PRKG1: variants seen among roughly 807,000 people sequenced by gnomAD.
PRKG1 encodes protein kinase cGMP-dependent 1, also known as cGMP-dependent protein kinase 1.
Under a neutral mutation model 88.1 loss-of-function variants are expected in PRKG1, and 35 were observed. The ratio of observed to expected loss-of-function variants is 0.40; its 90% CI spans 0.30 to 0.53. PRKG1 has a LOEUF of 0.53. Among genes scored for constraint, PRKG1 ranks in the 20% least tolerant of loss-of-function variants. The pLI, the probability that PRKG1 is intolerant of heterozygous loss-of-function variation, is 0.59. For missense variants in PRKG1, 540 were observed against 839.8 expected (o/e 0.64, Z 4.41); for synonymous variants, 303 against 292.5 (o/e 1.04, Z -0.37).
At chr10:52,177,285 T>G (rs1838892147) in intron 9 of PRKG1, among the ~76,000 whole-genome samples, 1 of 152,174 alleles carries the variant, frequency 6.6e-6, no homozygotes, top group Admixed American at 6.6e-5. Context: ...TATCCTTCAT[T>G]CTGTTGATGG....
At chr10:52,005,404 T>C (rs1004438395) in intron 5 of PRKG1, among the ~76,000 whole-genome samples, 1 of 152,102 alleles carries the variant, frequency 6.6e-6, no homozygotes, top group African/African-American at 2.4e-5. Flanking sequence ...CCAGTGCCCA[T>C]GTTTTTAAAA....
chr10:51,521,659 AT>A, intron 3 of PRKG1, among the ~76,000 whole-genome samples: 1 of 152,272 alleles, frequency 6.6e-6, no homozygotes, highest in Non-Finnish European at 1.5e-5. Context: ...TTTGCCTTTA[AT>A]TTTTTTCCAT....
In PRKG1 at chr10:51,075,028, A is replaced by G. The variant is rs955358737; in HGVS notation, c.311+127A>G. 7 of 1,326,314 alleles carry G rather than the reference A, an allele frequency of 5.3e-6. No homozygotes were observed. In the African/African-American group the frequency reaches 7.5e-5, roughly 14 times the overall value. The allele number at this position is 1,326,314 out of a possible 1,614,324, so 82.2% of individuals were successfully genotyped here. On this transcript the variant is annotated intron_variant, in intron 1 of 17. Transcript: ENST00000373980. ...CTGTCCTCATCCTCAGAAATGTTTCATTTTAACGGGCACTTCTTGCGGGGC... is the reference window on the plus strand; with the variant it reads ...CTGTCCTCATCCTCAGAAATGTTTCGTTTTAACGGGCACTTCTTGCGGGGC...
intron 1 of PRKG1, among the ~76,000 whole-genome samples, chr10:51,039,559 C>A (rs1304051497): frequency 6.6e-6 from 1 of 151,916 alleles, no homozygotes; most frequent in African/African-American, 2.4e-5. Context: ...TTGATTGTTT[C>A]CTTTGCTGTG....
chr10:51,638,439 A>G (rs1205562064), intron 3 of PRKG1, among the ~76,000 whole-genome samples: 1 of 152,216 alleles, frequency 6.6e-6, no homozygotes, highest in Non-Finnish European at 1.5e-5. Context: ...TCACAAGGAA[A>G]GATATATTAT....
At chr10:51,648,302 C>G (rs933943299) in intron 3 of PRKG1, among the ~76,000 whole-genome samples, 1 of 152,066 alleles carries the variant, frequency 6.6e-6, no homozygotes, top group Admixed American at 6.6e-5. Context: ...AAGTAAACTT[C>G]AAAGAAAATC....
intron 3 of PRKG1, among the ~76,000 whole-genome samples, chr10:51,608,604 A>C (rs981887535): frequency 6.6e-6 from 1 of 152,306 alleles, no homozygotes; most frequent in Admixed American, 6.5e-5. Flanking sequence ...CAGAAATCCT[A>C]TCTATAGGAA....
intron 9 of PRKG1, among the ~76,000 whole-genome samples, chr10:52,228,686 T>G (rs1277499696): frequency 6.6e-6 from 1 of 152,198 alleles, no homozygotes; most frequent in African/African-American, 2.4e-5. Context: ...CCTGTAATAA[T>G]AATAACAATA....
intron 8 of PRKG1, among the ~76,000 whole-genome samples, chr10:52,148,297 C>T (rs1162391067): frequency 6.6e-6 from 1 of 152,116 alleles, no homozygotes; most frequent in Non-Finnish European, 1.5e-5. Context: ...AACCATCCTA[C>T]AATGCACAGG....
intron 2 of PRKG1, among the ~76,000 whole-genome samples, chr10:51,157,588 G>A (rs1846245509): frequency 6.6e-6 from 1 of 151,640 alleles, no homozygotes; most frequent in African/African-American, 2.4e-5. Flanking sequence ...TGCATTATTT[G>A]GGGTGAATTT....
chr10:51,733,022 GGA>G (rs376863075), intron 3 of PRKG1, among the ~76,000 whole-genome samples: 146 of 150,432 alleles, frequency 9.7e-4, no homozygotes, highest in Non-Finnish European at 1.8e-3. Context: ...AAATGGTAGA[GGA>G]GAGAGAGAGA....
At chr10:51,396,411 G>C (rs956286294) in intron 2 of PRKG1, among the ~76,000 whole-genome samples, 2 of 151,854 alleles carry the variant, frequency 1.3e-5, no homozygotes, top group Admixed American at 6.6e-5. Flanking sequence ...AAAAAAGAGA[G>C]AGAAAGGGAT....
chr10:51,677,768 G>A (rs1840747636), intron 3 of PRKG1, among the ~76,000 whole-genome samples: 1 of 152,150 alleles, frequency 6.6e-6, no homozygotes, highest in African/African-American at 2.4e-5. Flanking sequence ...AGGTTTTGGG[G>A]ACAGTTTGGA....
chr10:51,408,379 T>C lies in PRKG1; in HGVS notation c.479-59344T>C, dbSNP rs373768261. On this transcript the variant is annotated intron_variant, in intron 2 of 17. Coordinates refer to ENST00000373980, the MANE Select transcript of PRKG1 (RefSeq NM_006258.4). ...CACACTTCTTTAGCCGTAAAGTGAGTGCCTTGGTTAGAGGCAATGCTGTAT... is the reference window on the plus strand; with the variant it reads ...CACACTTCTTTAGCCGTAAAGTGAGCGCCTTGGTTAGAGGCAATGCTGTAT... Among the ~76,000 whole-genome samples, 11 of 152,268 alleles carry C rather than the reference T, an allele frequency of 7.2e-5. No individual in the cohort carries two copies. In the South Asian group the frequency reaches 1.2e-3, roughly 17 times the overall value.
At chr10:51,883,284 G>A (rs1564691409) in intron 4 of PRKG1, among the ~76,000 whole-genome samples, 1 of 152,142 alleles carries the variant, frequency 6.6e-6, no homozygotes. Flanking sequence ...CTTGCAGATG[G>A]CAGATTGTGG....
rs1209179609 is a variant in PRKG1, at chr10:52,257,678, CTCT to C, written c.1173+6017_1173+6019del. Among the ~76,000 whole-genome samples, 3 of 139,754 alleles carry C rather than the reference CTCT, an allele frequency of 2.1e-5. 1 individual carries two copies. Among genetic ancestry groups the C allele is most frequent in the Admixed American group, 1.5e-4 (2 of 13,356 alleles). 91.7% of individuals were successfully genotyped at this position (139,754 alleles called of 152,430 possible). Reference sequence around the variant, plus strand: ...AAAGTTTGCTTCATTTTAACACAGCCTCTTCTTTAGTAGTACTCTGTGGTTTAT... The same window carrying C: ...AAAGTTTGCTTCATTTTAACACAGCCTCTTTAGTAGTACTCTGTGGTTTAT... On this transcript the variant is annotated intron_variant, in intron 10 of 17. Coordinates refer to ENST00000373980, the MANE Select transcript of PRKG1 (RefSeq NM_006258.4).
rs1451294017 is a variant in PRKG1, at chr10:51,126,361, A to G, written c.312-26803A>G. On this transcript the variant is annotated intron_variant, in intron 1 of 17. Coordinates refer to ENST00000373980, the MANE Select transcript of PRKG1 (RefSeq NM_006258.4). ...ATTATTTTATACTTTATATTTTATT[A>G]TTTTATATTTTATAGTATTTATATA... Among the ~76,000 whole-genome samples the G allele has an allele frequency of 3.0e-5, 4 of 132,030 alleles. No individual in the cohort carries two copies. In the East Asian group the frequency reaches 8.8e-4, roughly 29 times the overall value. 86.6% of individuals were successfully genotyped at this position (132,030 alleles called of 152,430 possible).
chr10:52,004,953 A>G (rs1844692212), intron 5 of PRKG1, among the ~76,000 whole-genome samples: 1 of 151,464 alleles, frequency 6.6e-6, no homozygotes, highest in South Asian at 2.1e-4. Flanking sequence ...AAGAAATATG[A>G]TTTTTTAAAA....
chr10:51,581,657 C>T (rs186619103), intron 3 of PRKG1, among the ~76,000 whole-genome samples: 1 of 152,238 alleles, frequency 6.6e-6, no homozygotes, highest in African/African-American at 2.4e-5. Flanking sequence ...TTCTGGCAGT[C>T]CAACCTGGCA....
Sources: allele counts gnomAD v4.1 joint callset (sites outside exome capture counted in the v4.1 genomes callset), GRCh38; gene constraint gnomAD v4.1.1; transcripts MANE v1.5; gene names NCBI Gene and HGNC (gene_info 2026-07-23, HGNC 2026-07-21).